SEMA6D: variants seen among roughly 807,000 people sequenced by gnomAD.
The protein encoded by SEMA6D is semaphorin-6D.
A neutral mutation model predicts 106.6 loss-of-function variants in SEMA6D; 35 were observed. The observed-to-expected ratio is 0.33, with a 90% CI of 0.25 to 0.44. The LOEUF (loss-of-function observed/expected upper bound fraction) is 0.44, where lower values mean the gene tolerates loss of function less well. SEMA6D is among the 20% of genes least tolerant of loss of function. The pLI is 1.00. For synonymous variants in SEMA6D, 499 were observed against 487.7 expected (o/e 1.02, Z -0.31); for missense variants, 1,185 against 1,345.9 (o/e 0.88, Z 1.87).
At chr15:47,474,832 C>T (rs1388189775) in intron 3 of SEMA6D, among the ~76,000 whole-genome samples, 1 of 152,134 alleles carries the variant, frequency 6.6e-6, no homozygotes, top group Non-Finnish European at 1.5e-5. Flanking sequence ...GGAGGTAATA[C>T]GAATGTCACT....
chr15:47,232,927 C>T (rs1404887983), intron 1 of SEMA6D, among the ~76,000 whole-genome samples: 1 of 151,976 alleles, frequency 6.6e-6, no homozygotes, highest in Admixed American at 6.6e-5. Context: ...CACACACATA[C>T]ACACAAATTA....
intron 3 of SEMA6D, among the ~76,000 whole-genome samples, chr15:47,494,432 A>C (rs2043572148): frequency 6.6e-6 from 1 of 151,988 alleles, no homozygotes; most frequent in Non-Finnish European, 1.5e-5. Flanking sequence ...AGATGTCCTA[A>C]AGAAATTTCT....
intron 3 of SEMA6D, among the ~76,000 whole-genome samples, chr15:47,535,684 A>T (rs187954588): frequency 3.7e-4 from 56 of 152,132 alleles, no homozygotes; most frequent in Middle Eastern, 3.4e-3. Context: ...ATACAAAAAA[A>T]AAATAAATTA....
At chr15:47,430,481 A>G (rs1039869880) in intron 2 of SEMA6D, among the ~76,000 whole-genome samples, 2 of 151,790 alleles carry the variant, frequency 1.3e-5, no homozygotes, top group African/African-American at 4.8e-5. Flanking sequence ...AAAATAAAAT[A>G]TATATTTTTT....
chr15:47,400,364 C>G (rs2145975862), intron 1 of SEMA6D, among the ~76,000 whole-genome samples: 2 of 151,970 alleles, frequency 1.3e-5, no homozygotes, highest in East Asian at 3.9e-4. Flanking sequence ...TGGTGTGCAC[C>G]TGTAGTCCCA....
chr15:47,243,901 C>A (rs2141818613), intron 1 of SEMA6D, among the ~76,000 whole-genome samples: 1 of 152,186 alleles, frequency 6.6e-6, no homozygotes, highest in Non-Finnish European at 1.5e-5. Context: ...ATTCTACATG[C>A]TATGGATATA....
intron 1 of SEMA6D, among the ~76,000 whole-genome samples, chr15:47,206,348 C>T (rs282515): frequency 0.045 from 6,790 of 152,162 alleles, 193 homozygotes; most frequent in South Asian, 0.12. Context: ...GTTGATTTTA[C>T]AGATGAGAGA....
chr15:47,312,154 T>TTTTA (rs1476638140), intron 1 of SEMA6D, among the ~76,000 whole-genome samples: 1 of 149,242 alleles, frequency 6.7e-6, no homozygotes, highest in Non-Finnish European at 1.5e-5. Flanking sequence ...GGGTTTTTTT[T>TTTTA]TTTTTCCCCA....
chr15:47,630,803 T>A (rs967369738), intron 4 of SEMA6D, among the ~76,000 whole-genome samples: 1 of 151,882 alleles, frequency 6.6e-6, no homozygotes, highest in African/African-American at 2.4e-5. Context: ...TTAAAAATCA[T>A]ACATTGGTAT....
chr15:47,326,863 A>G (rs2037154531), intron 1 of SEMA6D, among the ~76,000 whole-genome samples: 1 of 152,190 alleles, frequency 6.6e-6, no homozygotes, highest in Non-Finnish European at 1.5e-5. Flanking sequence ...GACTACAGTT[A>G]GTAGGTCACT....
At chr15:47,552,253 A>C (rs1006699334) in intron 3 of SEMA6D, among the ~76,000 whole-genome samples, 4 of 152,124 alleles carry the variant, frequency 2.6e-5, no homozygotes, top group Non-Finnish European at 4.4e-5. Flanking sequence ...GGAAAACCAC[A>C]AAATTATATA....
intron 3 of SEMA6D, among the ~76,000 whole-genome samples, chr15:47,575,803 A>C (rs947253459): frequency 5.9e-5 from 9 of 152,184 alleles, no homozygotes; most frequent in Admixed American, 5.2e-4. Flanking sequence ...TAAAAAATCA[A>C]TAAAACATTG....
At chr15:47,564,498 C>T (rs2046172283) in intron 3 of SEMA6D, among the ~76,000 whole-genome samples, 2 of 152,164 alleles carry the variant, frequency 1.3e-5, no homozygotes, top group Admixed American at 1.3e-4. Context: ...GATGTTAAAA[C>T]CTGACCTGAT....
chr15:47,573,404 C>T (rs887202502), intron 3 of SEMA6D, among the ~76,000 whole-genome samples: 30 of 152,112 alleles, frequency 2.0e-4, no homozygotes, highest in Non-Finnish European at 3.7e-4. Flanking sequence ...AGTTCCAGAA[C>T]ATAGAATTAT....
intron 1 of SEMA6D, among the ~76,000 whole-genome samples, chr15:47,196,482 C>G (rs1894368774): frequency 1.3e-5 from 2 of 152,106 alleles, no homozygotes; most frequent in East Asian, 3.9e-4. Context: ...AGACAGCCCC[C>G]CTAAAATATG....
At chr15:47,322,482 A>G (rs1018582883) in intron 1 of SEMA6D, among the ~76,000 whole-genome samples, 2 of 152,044 alleles carry the variant, frequency 1.3e-5, no homozygotes, top group African/African-American at 2.4e-5. Context: ...GTACTTTCTC[A>G]TCATTAGATT....
chr15:47,275,315 A>C (rs1326532957), intron 1 of SEMA6D, among the ~76,000 whole-genome samples: 1 of 152,176 alleles, frequency 6.6e-6, no homozygotes, highest in East Asian at 1.9e-4. Context: ...CATTACTAGC[A>C]GTCACTGTTA....
At chr15:47,195,149 C>G (rs1288838923) in intron 1 of SEMA6D, among the ~76,000 whole-genome samples, 1 of 152,092 alleles carries the variant, frequency 6.6e-6, no homozygotes, top group Non-Finnish European at 1.5e-5. Context: ...GGCATTTTTA[C>G]TTTCCCTTGA....
chr15:47,762,829 T>G (rs997432463), intron 8 of SEMA6D, among the ~76,000 whole-genome samples, 187 bp from the exon 9 acceptor site: 1 of 152,158 alleles, frequency 6.6e-6, no homozygotes, highest in Non-Finnish European at 1.5e-5. Flanking sequence ...TAGCTGACTT[T>G]AGAGATGACT....
Sources: gnomAD v4.1 joint callset for allele counts (sites outside exome capture counted in the v4.1 genomes callset) on GRCh38, gnomAD v4.1.1 for gene constraint, MANE v1.5 for transcripts, NCBI Gene and HGNC (gene_info 2026-07-23, HGNC 2026-07-21) for gene names.